DHX35: variants seen among roughly 807,000 people sequenced by gnomAD.
The protein encoded by DHX35 is DEAH-box helicase 35, also known as probable ATP-dependent RNA helicase DHX35.
In DHX35, 84 loss-of-function variants were observed where a neutral mutation model predicts 99.6. The ratio of observed to expected loss-of-function variants is 0.84; its 90% CI spans 0.71 to 1.01. The LOEUF (loss-of-function observed/expected upper bound fraction) is 1.01, where lower values mean the gene tolerates loss of function less well. Among genes scored for constraint, DHX35 ranks in the 50% least tolerant of loss-of-function variants. The pLI is 0.00. For synonymous variants in DHX35, 331 were observed against 316.2 expected (o/e 1.05, Z -0.50); for missense variants, 852 against 888.5 (o/e 0.96, Z 0.52).
In DHX35 at chr20:39,003,830, G is replaced by C; in HGVS notation, c.934G>C (p.Val312Leu). The change falls in exon 11 of 22, where the codon GTT (valine) becomes CTT (leucine). Residue 312 changes from valine (V) to leucine (L), a missense_variant. Physicochemically the swap from Val to Leu is conservative, Grantham distance 32 (BLOSUM62 1). Coordinates refer to ENST00000252011, the MANE Select transcript of DHX35 (RefSeq NM_021931.4). ...CACTGGGATGAAGAGACACCTCCGA[G>C]TTCTCCCCATGTATGCAGGACTGCC... ...ARTGMKRHLR[V>L]LPMYAGLPSF... 1 of 1,614,196 alleles carries C rather than the reference G, an allele frequency of 6.2e-7. No individual in the cohort carries two copies. The highest frequency in any genetic ancestry group is 8.5e-7 in the Non-Finnish European group (1 of 1,180,046).
intron 8 of DHX35, among the ~76,000 whole-genome samples, chr20:38,999,614 C>T (rs564821669): frequency 3.9e-5 from 6 of 152,212 alleles, no homozygotes; most frequent in African/African-American, 1.4e-4. Flanking sequence ...AGCCTTCTTT[C>T]CAATGTGCAC....
intron 20 of DHX35, 167 bp from the exon 21 acceptor site, chr20:39,034,039 C>G (rs992131786): frequency 3.3e-6 from 2 of 600,682 alleles, no homozygotes; most frequent in African/African-American, 3.7e-5. Flanking sequence ...TTACCCAGCA[C>G]TTAGGTCTTG....
intron 21 of DHX35, among the ~76,000 whole-genome samples, chr20:39,037,806 C>T (rs1220822725): frequency 6.6e-6 from 1 of 152,170 alleles, no homozygotes; most frequent in African/African-American, 2.4e-5. Context: ...ATTTCTGCCA[C>T]TTTTGGCTTT....
In DHX35 at chr20:39,021,932, C is replaced by G; in HGVS notation, c.1590C>G (p.His530Gln). 2 of 1,614,092 alleles carry G rather than the reference C, an allele frequency of 1.2e-6. No homozygotes were observed. Among genetic ancestry groups the G allele is most frequent in the South Asian group, 1.1e-5 (1 of 91,086 alleles). Residue 530 changes from histidine to glutamine, a missense_variant, in exon 16 of 22, where the codon CAC becomes CAG. Physicochemically the swap from His to Gln is conservative, Grantham distance 24 (BLOSUM62 0). Coordinates refer to ENST00000252011, the MANE Select transcript of DHX35 (RefSeq NM_021931.4). ...IFVVPPNQKS[H>Q]AIRVHRKFAV... ...TGGTCCCCCCAAACCAGAAGTCTCA[C>G]GCAGTAAGTCAGCTCTGTCCCCAGG...
At chr20:39,009,286 G>A (rs767150061) in intron 12 of DHX35, among the ~76,000 whole-genome samples, 7 of 152,138 alleles carry the variant, frequency 4.6e-5, no homozygotes, top group Admixed American at 1.3e-4. Context: ...GCTGTTGGCC[G>A]TCATCCAGAA....
intron 16 of DHX35, among the ~76,000 whole-genome samples, chr20:39,023,376 T>C (rs988259823): frequency 5.9e-5 from 9 of 152,162 alleles, no homozygotes; most frequent in Non-Finnish European, 7.3e-5. Flanking sequence ...TTCTTTCTTT[T>C]TTTCTTTTTT....
In DHX35 at chr20:39,003,894, G is replaced by A; in HGVS notation, c.998G>A (p.Arg333His). The change falls in exon 11 of 22, where the codon CGC becomes CAC. Residue 333 changes from arginine (R) to histidine (H), a missense_variant. By Grantham distance (29) the Arg-to-His change is conservative. Coordinates refer to ENST00000252011, the MANE Select transcript of DHX35 (RefSeq NM_021931.4). ...EQMKVFERVS[R>H]SVRKVIVATN... ...ATGAAAGTGTTTGAAAGGGTGTCAC[G>A]CAGTGTCAGAAAGGTGAGACTATCC... The A allele has an allele frequency of 3.1e-6, 5 of 1,614,064 alleles. No individual in the cohort carries two copies. The highest frequency in any genetic ancestry group is 3.4e-6 in the Non-Finnish European group (4 of 1,179,972).
chr20:38,969,754 A>G (rs1476423524), intron 2 of DHX35, among the ~76,000 whole-genome samples: 1 of 152,246 alleles, frequency 6.6e-6, no homozygotes, highest in Non-Finnish European at 1.5e-5. Flanking sequence ...ATGTGTGCTC[A>G]GCTACAAGAG....
chr20:38,977,809 G>A (rs1228412791), intron 3 of DHX35: 6 of 534,482 alleles, frequency 1.1e-5, no homozygotes, highest in Non-Finnish European at 1.1e-5. Context: ...TTTGATCTTG[G>A]TGTTGGTGGT....
rs397953645 is a variant in DHX35, at chr20:38,980,511, G to GTTTTT, written c.268-3178_268-3174dup. Among the ~76,000 whole-genome samples the GTTTTT allele has an allele frequency of 2.2e-3, 300 of 136,950 alleles. 3 individuals carry two copies. Among genetic ancestry groups the GTTTTT allele is most frequent in the Middle Eastern group, 4.0e-3 (1 of 250 alleles). The allele number at this position is 136,950 out of a possible 152,430, so 89.8% of individuals were successfully genotyped here. A position where few individuals can be genotyped will look rare whatever the true frequency, so the allele number is the denominator to read the frequency against. On this transcript the variant is annotated intron_variant, in intron 3 of 21. Transcript: ENST00000252011. ...TCTTAGCTATTATTCTTATAGTTCT[G>GTTTTT]TTTTTTTTTTTTTTGTATTTGTGTT...
At chr20:39,008,030 C>T (rs2086646449) in intron 12 of DHX35, among the ~76,000 whole-genome samples, 1 of 152,186 alleles carries the variant, frequency 6.6e-6, no homozygotes, top group Non-Finnish European at 1.5e-5. Flanking sequence ...ATCCCTTATG[C>T]TTTAAGCAGT....
intron 4 of DHX35, among the ~76,000 whole-genome samples, chr20:38,988,334 A>G (rs578222738): frequency 1.3e-4 from 20 of 152,306 alleles, no homozygotes; most frequent in African/African-American, 4.6e-4. Context: ...AGTGAGATAC[A>G]TAAGTTAATA....
intron 19 of DHX35, among the ~76,000 whole-genome samples, chr20:39,028,946 G>A (rs1186362490): frequency 6.6e-6 from 1 of 152,188 alleles, no homozygotes; most frequent in African/African-American, 2.4e-5. Flanking sequence ...TGTTTCTCAT[G>A]TGCTGGATGT....
At chr20:38,978,449 A>G in intron 3 of DHX35, 1 of 575,126 alleles carries the variant, frequency 1.7e-6, no homozygotes, top group East Asian at 3.0e-5. Flanking sequence ...CTTAGGTGGG[A>G]GAGAAGGCGG....
At chr20:39,036,418 A>G (rs1268223055) in intron 21 of DHX35, among the ~76,000 whole-genome samples, 1 of 152,114 alleles carries the variant, frequency 6.6e-6, no homozygotes, top group Non-Finnish European at 1.5e-5. Context: ...AGAGGCTGGG[A>G]CAGACCTTTA....
intron 20 of DHX35, among the ~76,000 whole-genome samples, chr20:39,031,649 T>C (rs2145947024): frequency 6.6e-6 from 1 of 152,282 alleles, no homozygotes; most frequent in East Asian, 1.9e-4. Context: ...AGCCCACAGT[T>C]TTGACATAGG....
chr20:38,981,292 AT>A (rs2086168388), intron 3 of DHX35, among the ~76,000 whole-genome samples: 2 of 152,196 alleles, frequency 1.3e-5, no homozygotes, highest in East Asian at 3.9e-4. Flanking sequence ...TGTAGCAGTG[AT>A]GATTTTCTTT....
Position 38,969,105 on chromosome 20 carries a change from T to C in DHX35, c.65T>C (p.Ile22Thr). The part of the protein sequence containing the change: ...RPGTEGPGVS[I>T]SEERQSLAEN... ...GGTACAGAGGGGCCAGGTGTAAGCA[T>C]CTCTGAAGAGAGACAAAGTCTGGCT... is the stretch of plus-strand genomic sequence containing the variant. Residue 22 changes from isoleucine (I) to threonine (T), a missense_variant, in exon 2 of 22, where the codon ATC becomes ACC. Coordinates refer to ENST00000252011, the MANE Select transcript of DHX35 (RefSeq NM_021931.4). The C allele has an allele frequency of 6.2e-7, 1 of 1,613,352 alleles. No individual in the cohort carries two copies. Among genetic ancestry groups the C allele is most frequent in the Non-Finnish European group, 8.5e-7 (1 of 1,179,398 alleles).
At chr20:38,993,354 TTCTC>T (rs1197893414) in intron 7 of DHX35, among the ~76,000 whole-genome samples, 1 of 152,156 alleles carries the variant, frequency 6.6e-6, no homozygotes, top group African/African-American at 2.4e-5. Context: ...TTTTCTTTTC[TTCTC>T]TCTTTTTTTT....
Sources: allele counts gnomAD v4.1 joint callset (sites outside exome capture counted in the v4.1 genomes callset), GRCh38; gene constraint gnomAD v4.1.1; transcripts MANE v1.5; gene names NCBI Gene and HGNC (gene_info 2026-07-23, HGNC 2026-07-21).